The following PTPRM variants were observed in gnomAD, a reference collection of about 807,000 sequenced individuals.
PTPRM encodes receptor-type tyrosine-protein phosphatase mu.
A neutral mutation model predicts 186.7 loss-of-function variants in PTPRM; 47 were observed. That is an observed-to-expected ratio of 0.25 (90% confidence interval 0.20 to 0.32). The LOEUF is 0.32. Among genes scored for constraint, PTPRM ranks in the 10% least tolerant of loss-of-function variants. The probability of loss-of-function intolerance (pLI) is 1.00; values close to 1 mark genes in which losing one functional copy is unlikely to be tolerated. For synonymous variants in PTPRM, 668 were observed against 674.9 expected (o/e 0.99, Z 0.16); for missense variants, 1,494 against 1,865.0 (o/e 0.80, Z 3.66).
chr18:8,134,294 G>A (rs2092585555), intron 13 of PTPRM, among the ~76,000 whole-genome samples: 1 of 152,106 alleles, frequency 6.6e-6, no homozygotes, highest in Non-Finnish European at 1.5e-5. Context: ...TGCTTCTTGT[G>A]TCTTTTACAA....
intron 2 of PTPRM, among the ~76,000 whole-genome samples, chr18:7,830,742 G>T (rs907612326): frequency 1.3e-5 from 2 of 152,218 alleles, no homozygotes; most frequent in African/African-American, 2.4e-5. Flanking sequence ...TAAAGAGACA[G>T]CAGCCAGTGG....
intron 1 of PTPRM, among the ~76,000 whole-genome samples, chr18:7,727,388 G>T (rs1311232084): frequency 6.6e-6 from 1 of 152,086 alleles, no homozygotes; most frequent in Admixed American, 6.5e-5. Context: ...TTTCTTCATT[G>T]AATTATTTTG....
chr18:7,677,954 G>T (rs2144546479), intron 1 of PTPRM, among the ~76,000 whole-genome samples: 1 of 152,238 alleles, frequency 6.6e-6, no homozygotes, highest in East Asian at 1.9e-4. Flanking sequence ...GGTCCACAGA[G>T]ACAGGATCTC....
At chr18:8,023,104 C>T (rs192540548) in intron 7 of PTPRM, among the ~76,000 whole-genome samples, 2,012 of 130,902 alleles carry the variant, frequency 0.015, 44 homozygotes, top group African/African-American at 0.048. Context: ...TTTCATGTTG[C>T]GGAGGTGATG....
intron 14 of PTPRM, among the ~76,000 whole-genome samples, chr18:8,151,077 G>A (rs911163454): frequency 1.6e-4 from 24 of 152,234 alleles, no homozygotes; most frequent in East Asian, 5.8e-4. Context: ...CCCCTACTGG[G>A]AGGTGTCTCC....
intron 7 of PTPRM, among the ~76,000 whole-genome samples, chr18:8,029,196 T>C (rs189857300): frequency 7.0e-4 from 96 of 138,118 alleles, no homozygotes; most frequent in African/African-American, 2.5e-3. Context: ...CTGGAGTGCC[T>C]CTCCTCCACC....
intron 1 of PTPRM, among the ~76,000 whole-genome samples, chr18:7,678,449 G>T (rs1260642220): frequency 6.6e-6 from 1 of 152,200 alleles, no homozygotes; most frequent in Non-Finnish European, 1.5e-5. Flanking sequence ...AGGGAGCACT[G>T]AGAGGAGTGA....
At chr18:7,586,733 G>A (rs932828595) in intron 1 of PTPRM, among the ~76,000 whole-genome samples, 1 of 152,156 alleles carries the variant, frequency 6.6e-6, no homozygotes, top group African/African-American at 2.4e-5. Context: ...ACATTGATAA[G>A]TTCACATCTG....
At chr18:7,736,787 C>T (rs886991114) in intron 1 of PTPRM, among the ~76,000 whole-genome samples, 1 of 152,174 alleles carries the variant, frequency 6.6e-6, no homozygotes, top group Admixed American at 6.5e-5. Context: ...TGATTTTTAA[C>T]TACTGGGTTT....
Position 7,678,863 on chromosome 18 carries a change from CT to C in PTPRM, c.74-95279del, listed in dbSNP as rs532446818. Among the ~76,000 whole-genome samples the C allele has an allele frequency of 3.0e-3, 451 of 152,202 alleles. 3 individuals carry two copies. The highest frequency in any genetic ancestry group is 0.01 in the African/African-American group (431 of 41,538). On this transcript the variant is annotated intron_variant, in intron 1 of 32. Coordinates refer to ENST00000580170, the MANE Select transcript of PTPRM (RefSeq NM_001105244.2). ...TTTTCATATTCTACTGTTAAAAATA[CT>C]TTTTTTGTGACAAAAGATATCTGTA...
intron 1 of PTPRM, among the ~76,000 whole-genome samples, chr18:7,681,963 A>G (rs760774620): frequency 7.9e-5 from 12 of 152,212 alleles, no homozygotes; most frequent in Non-Finnish European, 1.5e-4. Context: ...GAGGGCTGAT[A>G]ATTATAACTA....
intron 7 of PTPRM, among the ~76,000 whole-genome samples, chr18:7,979,574 T>C (rs1213446718): frequency 1.3e-5 from 2 of 152,224 alleles, no homozygotes; most frequent in Non-Finnish European, 2.9e-5. Flanking sequence ...CCAAAGATCG[T>C]GCAGAGCTCA....
intron 5 of PTPRM, among the ~76,000 whole-genome samples, chr18:7,927,488 A>T (rs1424734375): frequency 1.1e-4 from 16 of 148,600 alleles, no homozygotes; most frequent in African/African-American, 3.5e-4. Flanking sequence ...TTTTTTTTTT[A>T]AAGTATTATC....
intron 25 of PTPRM, 26 bp from the exon 26 acceptor site, chr18:8,376,436 A>T: frequency 6.2e-7 from 1 of 1,614,086 alleles, no homozygotes. Context: ...TTCTTCCTCC[A>T]CTGACAGACC....
intron 2 of PTPRM, among the ~76,000 whole-genome samples, chr18:7,874,210 G>A (rs941185157): frequency 1.3e-5 from 2 of 152,180 alleles, no homozygotes; most frequent in Non-Finnish European, 2.9e-5. Context: ...AATGGGATAA[G>A]TTTGTGGTCA....
rs372642491 is a variant in PTPRM at position 7,676,192 on chromosome 18, A to G, written c.74-97957A>G. 7.9e-5 allele frequency among the ~76,000 whole-genome samples: 12 copies of G among 152,182 alleles called. No individual in the cohort carries two copies. In the East Asian group the frequency reaches 1.9e-3, roughly 25 times the overall value. Reference sequence around the variant, plus strand: ...GAAGCAAAGACATTTTTCTTGGCTTACTCTTTTAAGTGTTTCCACAGTATT... The same window carrying G: ...GAAGCAAAGACATTTTTCTTGGCTTGCTCTTTTAAGTGTTTCCACAGTATT... On this transcript the variant is annotated intron_variant, in intron 1 of 32. Coordinates refer to ENST00000580170, the MANE Select transcript of PTPRM (RefSeq NM_001105244.2).
intron 14 of PTPRM, among the ~76,000 whole-genome samples, chr18:8,181,423 G>T (rs1224659196): frequency 6.6e-6 from 1 of 152,158 alleles, no homozygotes; most frequent in Non-Finnish European, 1.5e-5. Flanking sequence ...ACAGAGGGCG[G>T]CGACCTCTGC....
At chr18:7,609,630 T>C (rs1276363393) in intron 1 of PTPRM, among the ~76,000 whole-genome samples, 2 of 151,480 alleles carry the variant, frequency 1.3e-5, no homozygotes, top group Non-Finnish European at 2.9e-5. Context: ...TTGCACCCCC[T>C]CTTCTCTTCA....
chr18:8,216,556 C>T (rs12956556), intron 14 of PTPRM, among the ~76,000 whole-genome samples: 40,875 of 152,112 alleles, frequency 0.27, 5,554 homozygotes, highest in Middle Eastern at 0.51. Context: ...GGTGGTAATA[C>T]ACCTGTTTTA....
Sources: allele counts gnomAD v4.1 joint callset (sites outside exome capture counted in the v4.1 genomes callset), GRCh38; gene constraint gnomAD v4.1.1; transcripts MANE v1.5; gene names NCBI Gene and HGNC (gene_info 2026-07-23, HGNC 2026-07-21).